TCF12: variants seen among roughly 807,000 people sequenced by gnomAD.
TCF12 encodes the protein transcription factor 12.
In TCF12, 45 loss-of-function variants were observed where a neutral mutation model predicts 86.0. That is an observed-to-expected ratio of 0.52 (90% confidence interval 0.41 to 0.67). The LOEUF (loss-of-function observed/expected upper bound fraction) is 0.67, where lower values mean the gene tolerates loss of function less well. Ranked by LOEUF, TCF12 falls within the 30% of genes least tolerant of loss-of-function variation. The pLI, the probability that TCF12 is intolerant of heterozygous loss-of-function variation, is 0.00. For synonymous variants in TCF12, 330 were observed against 299.6 expected (o/e 1.10, Z -1.05); for missense variants, 881 against 859.9 (o/e 1.02, Z -0.31).
At chr15:57,202,742 A>C (rs1265778336) in intron 8 of TCF12, among the ~76,000 whole-genome samples, 1 of 152,130 alleles carries the variant, frequency 6.6e-6, no homozygotes, top group Non-Finnish European at 1.5e-5. Context: ...GTCTGCCCTC[A>C]GCTTTTTATT....
intron 13 of TCF12, chr15:57,248,065 C>A (rs1196403573): frequency 1.4e-6 from 1 of 703,012 alleles, no homozygotes; most frequent in East Asian, 2.7e-5. Context: ...CAACTGGACT[C>A]ATGTCTTCCA....
At chr15:57,173,981 C>A (rs2055724733) in intron 6 of TCF12, among the ~76,000 whole-genome samples, 1 of 152,186 alleles carries the variant, frequency 6.6e-6, no homozygotes. Context: ...GCTGGAATTA[C>A]AGGCGTGAGC....
intron 5 of TCF12, among the ~76,000 whole-genome samples, chr15:57,110,749 G>A (rs1164784327): frequency 2.0e-5 from 3 of 152,170 alleles, no homozygotes; most frequent in African/African-American, 4.8e-5. Context: ...AACTAGAAAC[G>A]GACTTAGTTC....
At chr15:57,106,048 T>C (rs1386681478) in intron 5 of TCF12, among the ~76,000 whole-genome samples, 2 of 152,188 alleles carry the variant, frequency 1.3e-5, no homozygotes, top group African/African-American at 4.8e-5. Context: ...CATCTATACA[T>C]GGCATATTAC....
intron 6 of TCF12, among the ~76,000 whole-genome samples, chr15:57,187,802 C>T (rs1353084337): frequency 1.3e-5 from 2 of 151,970 alleles, no homozygotes; most frequent in African/African-American, 2.4e-5. Context: ...TGGTGGTGCA[C>T]GCCTTTAATC....
chr15:57,132,362 C>A (rs1415543102), intron 5 of TCF12, among the ~76,000 whole-genome samples: 1 of 152,116 alleles, frequency 6.6e-6, no homozygotes, highest in East Asian at 1.9e-4. Flanking sequence ...TATCCAGCAT[C>A]CTAATCTGAA....
intron 3 of TCF12, among the ~76,000 whole-genome samples, chr15:57,023,094 T>C (rs1257481117): frequency 6.6e-6 from 1 of 152,162 alleles, no homozygotes; most frequent in African/African-American, 2.4e-5. Flanking sequence ...AATTTTTGTT[T>C]TGGTTGACAT....
At chr15:57,260,384 G>C (rs1427847225) in intron 16 of TCF12, among the ~76,000 whole-genome samples, 2 of 152,050 alleles carry the variant, frequency 1.3e-5, no homozygotes, top group South Asian at 4.2e-4. Flanking sequence ...AATTCAATTT[G>C]TTACTGTTCA....
At chr15:57,027,542 T>C (rs189065543) in intron 3 of TCF12, among the ~76,000 whole-genome samples, 21 of 152,286 alleles carry the variant, frequency 1.4e-4, no homozygotes, top group Admixed American at 3.3e-4. Flanking sequence ...AGGTTTTTTA[T>C]GGTCATTTTT....
intron 3 of TCF12, among the ~76,000 whole-genome samples, chr15:57,042,174 A>G (rs924459975): frequency 1.3e-5 from 2 of 151,548 alleles, no homozygotes; most frequent in Non-Finnish European, 2.9e-5. Context: ...GCTGGAGTGC[A>G]GTGGCACGAT....
chr15:56,923,581 C>T (rs2059885069), intron 3 of TCF12, among the ~76,000 whole-genome samples: 1 of 151,980 alleles, frequency 6.6e-6, no homozygotes. Flanking sequence ...CTAATTAGGG[C>T]AGTGTATAGA....
chr15:57,150,235 G>A (rs2053643049), intron 5 of TCF12, among the ~76,000 whole-genome samples: 1 of 152,190 alleles, frequency 6.6e-6, no homozygotes, highest in Non-Finnish European at 1.5e-5. Flanking sequence ...TTAGAGTTTG[G>A]TTCCAAGTCT....
intron 8 of TCF12, chr15:57,219,698 C>A: frequency 3.7e-6 from 3 of 802,034 alleles, no homozygotes; most frequent in Non-Finnish European, 5.8e-6. Context: ...TCCTTTTATG[C>A]AATGTATTAG....
chr15:57,273,995 T>C (rs1425587757), intron 19 of TCF12, among the ~76,000 whole-genome samples: 1 of 152,236 alleles, frequency 6.6e-6, no homozygotes, highest in African/African-American at 2.4e-5. Flanking sequence ...TATCAAATAA[T>C]AGAAGCTTCT....
chr15:57,014,216 C>T (rs2065012234), intron 3 of TCF12, among the ~76,000 whole-genome samples: 1 of 152,202 alleles, frequency 6.6e-6, no homozygotes, highest in East Asian at 1.9e-4. Context: ...GCCAACTTCT[C>T]CACACTTGTG....
rs67832685 is a variant in TCF12 at position 56,939,967 on chromosome 15, G to GTTTTTT, written c.148+18888_148+18893dup. On this transcript the variant is annotated intron_variant, in intron 3 of 20. Coordinates refer to ENST00000333725, the MANE Select transcript of TCF12 (RefSeq NM_207037.2). ...AAAAGAAGTGATACTTTAATAGCGT[G>GTTTTTT]TTTTTTTTTTTTTTTTTTTTTTTTG... Among the ~76,000 whole-genome samples the GTTTTTT allele has an allele frequency of 8.4e-4, 88 of 104,694 alleles. 2 individuals carry two copies. The East Asian group carries it at 0.011, about 13-fold the overall frequency. The allele number at this position is 104,694 out of a possible 152,430, so 68.7% of individuals were successfully genotyped here.
At chr15:57,270,025 G>C (rs375871348) in intron 18 of TCF12, among the ~76,000 whole-genome samples, 3 of 152,124 alleles carry the variant, frequency 2.0e-5, no homozygotes, top group African/African-American at 7.2e-5. Context: ...GAATCTGACA[G>C]TTATGTGTCT....
chr15:56,924,580 T>A (rs1323111030), intron 3 of TCF12, among the ~76,000 whole-genome samples: 1 of 152,230 alleles, frequency 6.6e-6, no homozygotes, highest in African/African-American at 2.4e-5. Context: ...GTGTGGTTCA[T>A]ATTATGTACA....
chr15:57,126,763 C>G (rs1469132451), intron 5 of TCF12, among the ~76,000 whole-genome samples: 2 of 152,030 alleles, frequency 1.3e-5, no homozygotes, highest in Non-Finnish European at 2.9e-5. Context: ...GTGAGGATCT[C>G]TATGCTACAT....
Sources: gnomAD v4.1 joint callset for allele counts (sites outside exome capture counted in the v4.1 genomes callset) on GRCh38, gnomAD v4.1.1 for gene constraint, MANE v1.5 for transcripts, NCBI Gene and HGNC (gene_info 2026-07-23, HGNC 2026-07-21) for gene names.